The following NEGR1 variants were observed in gnomAD, a reference collection of about 807,000 sequenced individuals.
NEGR1 encodes the protein IgLON family member 4.
NEGR1 carries 10 observed loss-of-function variants against 40.9 expected under a neutral mutation model. That is an observed-to-expected ratio of 0.24 (90% CI 0.15 to 0.42). The LOEUF (loss-of-function observed/expected upper bound fraction) is 0.42, where lower values mean the gene tolerates loss of function less well. NEGR1 is among the 10% of genes least tolerant of loss of function. NEGR1 has a pLI of 1.00. For synonymous variants in NEGR1, 185 were observed against 166.8 expected (o/e 1.11, Z -0.84); for missense variants, 352 against 438.9 (o/e 0.80, Z 1.77).
chr1:72,248,620 G>A (rs1654986279), intron 1 of NEGR1, among the ~76,000 whole-genome samples: 1 of 94,272 alleles, frequency 1.1e-5, no homozygotes, highest in African/African-American at 3.8e-5. Context: ...TATTATTTTA[G>A]ACAGAGTCTC....
intron 3 of NEGR1, among the ~76,000 whole-genome samples, chr1:71,729,411 A>T (rs1654780107): frequency 6.6e-6 from 1 of 152,190 alleles, no homozygotes; most frequent in Non-Finnish European, 1.5e-5. Flanking sequence ...TATATAATGT[A>T]TTATTATGCT....
At chr1:71,724,188 T>C (rs1654599976) in intron 3 of NEGR1, among the ~76,000 whole-genome samples, 1 of 152,174 alleles carries the variant, frequency 6.6e-6, no homozygotes, top group Non-Finnish European at 1.5e-5. Context: ...TGTTTCATCA[T>C]GGACAGTTTC....
At chr1:71,634,024 G>A (rs1186624092) in intron 4 of NEGR1, among the ~76,000 whole-genome samples, 2 of 151,996 alleles carry the variant, frequency 1.3e-5, no homozygotes, top group East Asian at 3.9e-4. Flanking sequence ...GTTTTGGGAT[G>A]GATCCATTGT....
chr1:71,722,634 CT>C (rs1371873340), intron 3 of NEGR1, among the ~76,000 whole-genome samples: 4 of 151,956 alleles, frequency 2.6e-5, no homozygotes, highest in Non-Finnish European at 4.4e-5. Flanking sequence ...TTGGGCAAGC[CT>C]TTTTAACATT....
chr1:71,921,574 TTAA>T (rs1294810193), intron 2 of NEGR1, among the ~76,000 whole-genome samples: 1 of 151,300 alleles, frequency 6.6e-6, no homozygotes, highest in East Asian at 1.9e-4. Context: ...TGTGATTTTC[TTAA>T]TAACATTTTC....
At chr1:71,702,814 C>A (rs1006559424) in intron 3 of NEGR1, among the ~76,000 whole-genome samples, 1 of 151,580 alleles carries the variant, frequency 6.6e-6, no homozygotes, top group Non-Finnish European at 1.5e-5. Context: ...ACACAGTGAC[C>A]CCCACAATTA....
Position 72,282,517 on chromosome 1 carries a change from C to A in NEGR1, c.-23G>T, listed in dbSNP as rs1205537040. ...CATCCCTGCTAGGGCTGCTCACTCT[C>A]CAGCAGCTTTCAGCTCGCACTCCCC... On this transcript the variant is annotated 5_prime_UTR_variant, in exon 1 of 7. Coordinates refer to ENST00000357731, the MANE Select transcript of NEGR1 (RefSeq NM_173808.3). The A allele has an allele frequency of 1.3e-6, 2 of 1,590,716 alleles. No individual in the cohort carries two copies. The highest frequency in any genetic ancestry group is 4.5e-5 in the East Asian group (2 of 44,094).
intron 6 of NEGR1, among the ~76,000 whole-genome samples, chr1:71,438,920 G>T (rs1009443363): frequency 1.3e-5 from 2 of 152,136 alleles, no homozygotes; most frequent in African/African-American, 4.8e-5. Context: ...AGCTATACTG[G>T]CCAGAGGCAC....
At chr1:72,187,289 T>C (rs1652645899) in intron 1 of NEGR1, among the ~76,000 whole-genome samples, 1 of 151,594 alleles carries the variant, frequency 6.6e-6, no homozygotes, top group Non-Finnish European at 1.5e-5. Context: ...CATATTTTTT[T>C]CGCCACATTT....
rs543712056 is a variant in NEGR1 at position 72,233,022 on chromosome 1, C to T, written c.176+49297G>A. 4.6e-5 allele frequency among the ~76,000 whole-genome samples: 7 copies of T among 152,278 alleles called. No individual in the cohort carries two copies. The South Asian group carries it at 1.5e-3, about 32-fold the overall frequency. ...AGACAGTTATTGGGTAAAGATACCT[C>T]TGTCCTATTTTTTCACTCAATTTTA... On this transcript the variant is annotated intron_variant, in intron 1 of 6. Transcript: ENST00000357731.
chr1:72,048,803 T>A (rs1472730854), intron 1 of NEGR1, among the ~76,000 whole-genome samples: 2 of 151,562 alleles, frequency 1.3e-5, no homozygotes, highest in Non-Finnish European at 1.5e-5. Context: ...ACATTCTGAA[T>A]AATTAAGTCA....
chr1:71,653,043 T>C (rs926955349), intron 4 of NEGR1, among the ~76,000 whole-genome samples: 1 of 152,204 alleles, frequency 6.6e-6, no homozygotes, highest in Non-Finnish European at 1.5e-5. Context: ...CATTCACTGA[T>C]GCTAGGTCTG....
chr1:72,239,486 T>G (rs1654665755), intron 1 of NEGR1, among the ~76,000 whole-genome samples: 1 of 151,742 alleles, frequency 6.6e-6, no homozygotes, highest in South Asian at 2.1e-4. Flanking sequence ...TATTAATCAT[T>G]TGTTTAATGC....
At chr1:71,865,966 T>C (rs974156512) in intron 2 of NEGR1, among the ~76,000 whole-genome samples, 9 of 152,184 alleles carry the variant, frequency 5.9e-5, no homozygotes, top group Non-Finnish European at 1.0e-4. Flanking sequence ...AACATTATTA[T>C]AGTCCATTGT....
At chr1:72,120,655 C>A (rs1010765576) in intron 1 of NEGR1, among the ~76,000 whole-genome samples, 9 of 151,910 alleles carry the variant, frequency 5.9e-5, no homozygotes, top group Non-Finnish European at 8.8e-5. Flanking sequence ...TGCTATCCCT[C>A]CCCACTACCT....
intron 1 of NEGR1, among the ~76,000 whole-genome samples, chr1:72,063,752 G>T (rs565067749): frequency 2.0e-5 from 3 of 152,018 alleles, no homozygotes; most frequent in African/African-American, 7.2e-5. Context: ...AATCCAGAGA[G>T]TCATACACTA....
At chr1:71,825,087 A>C (rs772178570) in intron 2 of NEGR1, among the ~76,000 whole-genome samples, 19 of 151,966 alleles carry the variant, frequency 1.3e-4, no homozygotes, top group Admixed American at 3.9e-4. Context: ...ATTCTCCAAA[A>C]GGATGGCACC....
chr1:72,100,706 TAA>T (rs1296299137), intron 1 of NEGR1: 1 of 152,202 alleles, frequency 6.6e-6, no homozygotes, highest in Admixed American at 6.5e-5. Flanking sequence ...CCAAACAAGC[TAA>T]GAGTTAAATC....
chr1:72,158,131 G>A (rs1035505901), intron 1 of NEGR1, among the ~76,000 whole-genome samples: 2 of 152,212 alleles, frequency 1.3e-5, no homozygotes, highest in Non-Finnish European at 2.9e-5. Context: ...TATGTGAGAA[G>A]CTCTACGTGA....
Sources: allele counts gnomAD v4.1 joint callset (sites outside exome capture counted in the v4.1 genomes callset), GRCh38; gene constraint gnomAD v4.1.1; transcripts MANE v1.5; gene names NCBI Gene and HGNC (gene_info 2026-07-23, HGNC 2026-07-21).